STX8: variants seen among roughly 807,000 people sequenced by gnomAD.
STX8 encodes syntaxin-8.
STX8 carries 23 observed loss-of-function variants against 37.5 expected under a neutral mutation model. That is an observed-to-expected ratio of 0.61 (90% CI 0.44 to 0.87). The LOEUF (loss-of-function observed/expected upper bound fraction) is 0.87. Among genes scored for constraint, STX8 ranks in the 40% least tolerant of loss-of-function variants. The pLI is 0.00. For synonymous variants in STX8, 115 were observed against 99.1 expected (o/e 1.16, Z -0.95); for missense variants, 313 against 284.7 (o/e 1.10, Z -0.71).
intron 2 of STX8, among the ~76,000 whole-genome samples, chr17:9,559,964 A>G (rs1346761795): frequency 1.4e-5 from 2 of 147,174 alleles, no homozygotes; most frequent in African/African-American, 2.5e-5. Flanking sequence ...GTTTCACCAT[A>G]TTGGTCAGGC....
rs555736866 is a variant in STX8, at chr17:9,256,283, G to A, written c.644-5638C>T. ...CTACACCAGTGGAGCTTGAGTGGAGGCATCCTGATTCGAGACAGTGTGGGG... is the reference window on the plus strand; with the variant it reads ...CTACACCAGTGGAGCTTGAGTGGAGACATCCTGATTCGAGACAGTGTGGGG... On this transcript the variant is annotated intron_variant, in intron 7 of 7. Coordinates refer to ENST00000306357, the MANE Select transcript of STX8 (RefSeq NM_004853.3). 5.9e-5 allele frequency among the ~76,000 whole-genome samples: 9 copies of A among 152,306 alleles called. No homozygotes were observed. In the East Asian group the frequency reaches 1.5e-3, roughly 26 times the overall value.
At chr17:9,473,315 AGCCATGTC>A (rs1905959418) in intron 6 of STX8, among the ~76,000 whole-genome samples, 1 of 152,064 alleles carries the variant, frequency 6.6e-6, no homozygotes, top group Non-Finnish European at 1.5e-5. Context: ...CACCGTGCCC[AGCCATGTC>A]TCAGGATCTT....
intron 7 of STX8, among the ~76,000 whole-genome samples, chr17:9,326,219 C>T (rs1909749420): frequency 6.6e-6 from 1 of 152,048 alleles, no homozygotes; most frequent in Admixed American, 6.6e-5. Context: ...CAGCCTTGAC[C>T]TCCTGGGCTC....
chr17:9,324,045 G>A (rs1909665610), intron 7 of STX8, among the ~76,000 whole-genome samples: 2 of 151,798 alleles, frequency 1.3e-5, no homozygotes, highest in Non-Finnish European at 2.9e-5. Flanking sequence ...CTGAAGCAAT[G>A]GGAATTTCAG....
intron 7 of STX8, among the ~76,000 whole-genome samples, chr17:9,352,573 T>C (rs1298820373): frequency 6.6e-6 from 1 of 150,598 alleles, no homozygotes; most frequent in East Asian, 2.0e-4. Context: ...GTTCACGCCA[T>C]TCTCCTGCCT....
intron 6 of STX8, among the ~76,000 whole-genome samples, chr17:9,451,618 TTATA>T (rs1376638642): frequency 2.6e-5 from 4 of 152,036 alleles, no homozygotes; most frequent in Non-Finnish European, 5.9e-5. Context: ...TTTTATAACT[TTATA>T]AATAAACCCA....
chr17:9,423,862 C>G (rs1342962783), intron 6 of STX8, among the ~76,000 whole-genome samples: 1 of 152,140 alleles, frequency 6.6e-6, no homozygotes, highest in African/African-American at 2.4e-5. Context: ...GGCTGAGTTG[C>G]AATCCTAGTT....
At chr17:9,549,038 A>C (rs534532037) in intron 3 of STX8, among the ~76,000 whole-genome samples, 1 of 152,316 alleles carries the variant, frequency 6.6e-6, no homozygotes, top group African/African-American at 2.4e-5. Flanking sequence ...TTTATAGTCA[A>C]AGGAATTTTA....
intron 7 of STX8, among the ~76,000 whole-genome samples, chr17:9,318,709 G>A (rs974995141): frequency 6.6e-6 from 1 of 152,150 alleles, no homozygotes; most frequent in African/African-American, 2.4e-5. Flanking sequence ...TCTATACCCA[G>A]TAAAACTATC....
At chr17:9,294,047 G>A (rs1288671956) in intron 7 of STX8, among the ~76,000 whole-genome samples, 2 of 152,166 alleles carry the variant, frequency 1.3e-5, no homozygotes, top group African/African-American at 4.8e-5. Context: ...TTACAGGCGT[G>A]AGCCACTGCC....
intron 7 of STX8, among the ~76,000 whole-genome samples, chr17:9,282,429 C>T (rs529254180): frequency 5.8e-4 from 88 of 152,294 alleles, no homozygotes; most frequent in East Asian, 2.3e-3. Context: ...CCACTGCACC[C>T]GGCCTGATGA....
intron 7 of STX8, among the ~76,000 whole-genome samples, chr17:9,294,820 T>C (rs932512551): frequency 6.6e-6 from 1 of 152,116 alleles, no homozygotes; most frequent in African/African-American, 2.4e-5. Flanking sequence ...AAGAGTGGGG[T>C]ACTAGTCCAA....
intron 6 of STX8, among the ~76,000 whole-genome samples, chr17:9,423,870 G>A (rs1270287823): frequency 6.6e-6 from 1 of 152,118 alleles, no homozygotes; most frequent in African/African-American, 2.4e-5. Context: ...TGCAATCCTA[G>A]TTTTCCGCTG....
intron 6 of STX8, among the ~76,000 whole-genome samples, chr17:9,385,921 G>A (rs752225941): frequency 2.0e-5 from 3 of 152,098 alleles, no homozygotes; most frequent in Non-Finnish European, 4.4e-5. Context: ...TTACAGGCAC[G>A]CGCCACTGCG....
intron 6 of STX8, among the ~76,000 whole-genome samples, chr17:9,414,602 C>A (rs370760408): frequency 1.0e-3 from 152 of 152,086 alleles, no homozygotes; most frequent in African/African-American, 3.5e-3. Flanking sequence ...GTCTGAGGTA[C>A]TCAGTGAGAA....
intron 6 of STX8, among the ~76,000 whole-genome samples, chr17:9,439,854 G>A (rs901505753): frequency 6.6e-6 from 1 of 152,092 alleles, no homozygotes; most frequent in Admixed American, 6.6e-5. Flanking sequence ...CTGGTGGGGT[G>A]AGGAGGAAGT....
At chr17:9,259,212 C>A (rs369837839) in intron 7 of STX8, among the ~76,000 whole-genome samples, 26 of 152,284 alleles carry the variant, frequency 1.7e-4, no homozygotes, top group African/African-American at 5.8e-4. Flanking sequence ...AAAATCCTGA[C>A]TTCACAGGCT....
At chr17:9,357,932 T>G (rs1910939897) in intron 7 of STX8, among the ~76,000 whole-genome samples, 1 of 152,268 alleles carries the variant, frequency 6.6e-6, no homozygotes, top group Non-Finnish European at 1.5e-5. Context: ...AGTAGCTAAG[T>G]GCACAACAGC....
At chr17:9,331,878 G>T (rs1909973215) in intron 7 of STX8, among the ~76,000 whole-genome samples, 1 of 151,476 alleles carries the variant, frequency 6.6e-6, no homozygotes, top group South Asian at 2.1e-4. Context: ...AAAGTGTATG[G>T]AAAGGAAAAA....
Sources: gnomAD v4.1 joint callset for allele counts (sites outside exome capture counted in the v4.1 genomes callset) on GRCh38, gnomAD v4.1.1 for gene constraint, MANE v1.5 for transcripts, NCBI Gene and HGNC (gene_info 2026-07-23, HGNC 2026-07-21) for gene names.